Variants in MEI4 observed in about 807,000 individuals in gnomAD.
The protein encoded by MEI4 is meiosis-specific protein MEI4.
MEI4 carries 27 observed loss-of-function variants against 31.4 expected under a neutral mutation model. The ratio of observed to expected loss-of-function variants is 0.86; its 90% CI spans 0.63 to 1.19. The LOEUF (loss-of-function observed/expected upper bound fraction) is 1.19, where lower values mean the gene tolerates loss of function less well. Ranked by LOEUF, MEI4 falls within the 50% of genes most tolerant of loss-of-function variation. MEI4 has a pLI of 0.00. For missense variants in MEI4, 329 were observed against 398.9 expected, an observed-to-expected ratio of 0.82 and a Z score of 1.49; for synonymous variants, 122 against 145.4, an observed-to-expected ratio of 0.84 and a Z score of 1.16.
At chr6:77,666,253 AT>A (rs1360947310) in intron 1 of MEI4, among the ~76,000 whole-genome samples, 3 of 152,110 alleles carry the variant, frequency 2.0e-5, no homozygotes, top group East Asian at 3.9e-4. Context: ...GGTGGGGGAG[AT>A]TACAAAGTAC....
At chr6:77,815,181 G>C (rs1769661040) in intron 3 of MEI4, among the ~76,000 whole-genome samples, 1 of 151,990 alleles carries the variant, frequency 6.6e-6, no homozygotes, top group Non-Finnish European at 1.5e-5. Context: ...CTCTCCTCCA[G>C]CAACCAAGGC....
intron 2 of MEI4, among the ~76,000 whole-genome samples, chr6:77,694,456 C>G (rs574266571): frequency 6.8e-6 from 1 of 147,318 alleles, no homozygotes; most frequent in Non-Finnish European, 1.5e-5. Flanking sequence ...TGTTCCCCTT[C>G]CTGTGTCCAT....
At chr6:77,839,285 A>G (rs1447685700) in intron 4 of MEI4, among the ~76,000 whole-genome samples, 1 of 152,106 alleles carries the variant, frequency 6.6e-6, no homozygotes, top group African/African-American at 2.4e-5. Context: ...ACTCAGAAAA[A>G]ATCAGTTCCT....
intron 3 of MEI4, among the ~76,000 whole-genome samples, chr6:77,825,680 G>C (rs1412039438): frequency 6.6e-6 from 1 of 152,076 alleles, no homozygotes; most frequent in Admixed American, 6.6e-5. Context: ...ACAGGTTATA[G>C]GAATTTAAGT....
At chr6:77,875,992 G>T (rs1771325612) in intron 4 of MEI4, among the ~76,000 whole-genome samples, 1 of 152,034 alleles carries the variant, frequency 6.6e-6, no homozygotes, top group Non-Finnish European at 1.5e-5. Flanking sequence ...ATACATAACT[G>T]ACTTCTCCAA....
At chr6:77,920,890 A>G (rs927616952) in intron 4 of MEI4, among the ~76,000 whole-genome samples, 9 of 152,024 alleles carry the variant, frequency 5.9e-5, no homozygotes, top group African/African-American at 1.9e-4. Flanking sequence ...TCAGTAAACA[A>G]TGCTTTCATC....
chr6:77,909,534 A>G (rs1766381651), intron 4 of MEI4, among the ~76,000 whole-genome samples: 1 of 152,170 alleles, frequency 6.6e-6, no homozygotes, highest in Non-Finnish European at 1.5e-5. Context: ...TGAATAGACC[A>G]GTAACAGGCT....
chr6:77,691,344 T>G (rs1769152791), intron 2 of MEI4, among the ~76,000 whole-genome samples: 1 of 151,954 alleles, frequency 6.6e-6, no homozygotes, highest in Non-Finnish European at 1.5e-5. Context: ...AGAAAACAGG[T>G]GTATAAATAA....
intron 2 of MEI4, among the ~76,000 whole-genome samples, chr6:77,760,272 G>C (rs1768011889): frequency 6.6e-6 from 1 of 151,702 alleles, no homozygotes; most frequent in South Asian, 2.1e-4. Context: ...CATATACAGA[G>C]ATATGTAGAT....
At chr6:77,812,527 C>T (rs577780135) in intron 3 of MEI4, among the ~76,000 whole-genome samples, 1 of 152,164 alleles carries the variant, frequency 6.6e-6, no homozygotes, top group East Asian at 1.9e-4. Flanking sequence ...TTCTAACTCT[C>T]TGTCCTTGAT....
At chr6:77,908,143 T>A (rs1314747271) in intron 4 of MEI4, among the ~76,000 whole-genome samples, 2 of 152,122 alleles carry the variant, frequency 1.3e-5, no homozygotes, top group Non-Finnish European at 2.9e-5. Flanking sequence ...GCAGAAACTC[T>A]TTAGATTAAT....
chr6:77,736,489 C>T (rs981283235), intron 2 of MEI4, among the ~76,000 whole-genome samples: 14 of 152,064 alleles, frequency 9.2e-5, no homozygotes, highest in East Asian at 1.9e-4. Context: ...CGCCCTGCTT[C>T]GGCTTGCGAA....
intron 4 of MEI4, among the ~76,000 whole-genome samples, chr6:77,916,406 T>A (rs1231882459): frequency 6.6e-6 from 1 of 152,102 alleles, no homozygotes; most frequent in African/African-American, 2.4e-5. Flanking sequence ...GTTTTTTTAG[T>A]AGATGACTTT....
chr6:77,804,330 C>G (rs146398899), intron 3 of MEI4, among the ~76,000 whole-genome samples: 1 of 152,086 alleles, frequency 6.6e-6, no homozygotes, highest in African/African-American at 2.4e-5. Context: ...GGGAGTGACC[C>G]GATTTTCCAG....
intron 4 of MEI4, among the ~76,000 whole-genome samples, chr6:77,899,512 C>T (rs1238432649): frequency 1.3e-5 from 2 of 152,054 alleles, no homozygotes; most frequent in South Asian, 2.1e-4. Context: ...ATCAGATATA[C>T]ACAGCCATCC....
In MEI4 at chr6:77,925,259, A is replaced by G. The variant is rs1352288247; in HGVS notation, c.*1913A>G. ...TTAGCCTAGGAAATATATTTATTAT[A>G]AAAGAAGATGCAAGATGTTGGGATC... On this transcript the variant is annotated 3_prime_UTR_variant, in exon 5 of 5. Transcript: ENST00000684080. The G allele has an allele frequency of 6.6e-6, 1 of 151,848 alleles. No individual in the cohort carries two copies. The highest frequency in any genetic ancestry group is 1.5e-5 in the Non-Finnish European group (1 of 67,898). The allele number at this position is 151,848 out of a possible 1,614,324, so 9.4% of individuals were successfully genotyped here.
intron 1 of MEI4, among the ~76,000 whole-genome samples, chr6:77,667,735 G>A (rs1300848276): frequency 6.6e-6 from 1 of 152,098 alleles, no homozygotes; most frequent in East Asian, 1.9e-4. Context: ...GGACCATGAA[G>A]GGTGAAGGAG....
At chr6:77,841,913 A>C (rs573425582) in intron 4 of MEI4, among the ~76,000 whole-genome samples, 1 of 152,162 alleles carries the variant, frequency 6.6e-6, no homozygotes, top group African/African-American at 2.4e-5. Flanking sequence ...GTGTGAGCCT[A>C]CCAAATGCTT....
At chr6:77,844,726 T>C (rs932140891) in intron 4 of MEI4, among the ~76,000 whole-genome samples, 3 of 152,104 alleles carry the variant, frequency 2.0e-5, no homozygotes, top group African/African-American at 7.2e-5. Context: ...CCTGAATCCA[T>C]CCTCTAATCC....
Sources: allele counts gnomAD v4.1 joint callset (sites outside exome capture counted in the v4.1 genomes callset), GRCh38; gene constraint gnomAD v4.1.1; transcripts MANE v1.5; gene names NCBI Gene and HGNC (gene_info 2026-07-23, HGNC 2026-07-21).